AFF2: variants seen among roughly 807,000 people sequenced by gnomAD.
AFF2 encodes the protein AF4/FMR2 family member 2.
In AFF2, 14 loss-of-function variants were observed where a neutral mutation model predicts 76.9. The ratio of observed to expected loss-of-function variants is 0.18; its 90% CI spans 0.12 to 0.28. AFF2 has a LOEUF of 0.28. Among genes scored for constraint, AFF2 ranks in the 10% least tolerant of loss-of-function variants. The pLI is 1.00. For missense variants in AFF2, 868 were observed against 1,001.1 expected (o/e 0.87, Z 1.79); for synonymous variants, 398 against 366.7 (o/e 1.09, Z -0.98).
intron 3 of AFF2, among the ~76,000 whole-genome samples, chrX:148,742,753 C>T (rs913998744): frequency 9.9e-5 from 11 of 111,549 alleles, no homozygotes; most frequent in African/African-American, 3.6e-4. Context: ...ATAGGATGAC[C>T]GGTTGCTAAA....
intron 9 of AFF2, among the ~76,000 whole-genome samples, chrX:148,926,708 T>C (rs987188019): frequency 1.9e-4 from 21 of 112,253 alleles, no homozygotes; most frequent in African/African-American, 6.8e-4. Flanking sequence ...CCTGCCCACA[T>C]TAAAGCATTG....
chrX:148,602,391 G>A (rs782097830), intron 1 of AFF2, among the ~76,000 whole-genome samples: 19 of 110,433 alleles, frequency 1.7e-4, no homozygotes, highest in Non-Finnish European at 3.2e-4. Context: ...GGCAAGATTC[G>A]ATTTATGTTT....
rs898268503 is a variant in AFF2 at position 148,991,519 on chromosome X, C to T, written c.*187C>T. The T allele has an allele frequency of 3.4e-5, 14 of 415,172 alleles. No homozygotes were observed. Among genetic ancestry groups the T allele is most frequent in the East Asian group, 2.8e-4 (6 of 21,232 alleles). 34.2% of individuals were successfully genotyped at this position (415,172 alleles called of 1,213,427 possible). On this transcript the variant is annotated 3_prime_UTR_variant, in exon 21 of 21. Coordinates refer to ENST00000370460, the MANE Select transcript of AFF2 (RefSeq NM_002025.4). ...GACACTACAACTTAAGGGCAGTGTA[C>T]GTTTTATTACTTAGTCATTTTTTTT...
intron 5 of AFF2, among the ~76,000 whole-genome samples, chrX:148,840,297 A>G (rs2070583217): frequency 8.9e-6 from 1 of 112,147 alleles, no homozygotes; most frequent in Admixed American, 9.5e-5. Context: ...TAATATTCAC[A>G]TGAGTGTGGA....
At chrX:148,590,388 C>T (rs1465248047) in intron 1 of AFF2, among the ~76,000 whole-genome samples, 1 of 111,450 alleles carries the variant, frequency 9.0e-6, no homozygotes, top group Non-Finnish European at 1.9e-5. Flanking sequence ...CGGGCACCTA[C>T]CTAGACCTTG....
At chrX:148,885,170 A>C (rs2124144174) in intron 7 of AFF2, among the ~76,000 whole-genome samples, 1 of 111,943 alleles carries the variant, frequency 8.9e-6, no homozygotes, top group East Asian at 2.8e-4. Flanking sequence ...TAGAAACAAA[A>C]GGCTTTGTGG....
chrX:148,789,046 G>A (rs1469607825), intron 3 of AFF2, among the ~76,000 whole-genome samples: 1 of 112,133 alleles, frequency 8.9e-6, no homozygotes, highest in East Asian at 2.8e-4. Context: ...TCTATTAACT[G>A]TGATAGTGTA....
intron 4 of AFF2, 124 bp downstream of exon 4, chrX:148,810,044 C>T (rs2070184656): frequency 4.8e-6 from 3 of 626,069 alleles, no homozygotes; most frequent in Admixed American, 2.9e-5. Context: ...TATTCTACTT[C>T]AAGACCCTTC....
chrX:148,629,712 G>C (rs1460432499), intron 1 of AFF2, among the ~76,000 whole-genome samples: 1 of 111,596 alleles, frequency 9.0e-6, no homozygotes, highest in Non-Finnish European at 1.9e-5. Flanking sequence ...ATGCTTCCTC[G>C]GTGAGTCTGA....
intron 1 of AFF2, among the ~76,000 whole-genome samples, chrX:148,581,234 G>T (rs868946485): frequency 1.4e-5 from 1 of 69,636 alleles, no homozygotes; most frequent in African/African-American, 5.7e-5. Flanking sequence ...ATACGTATAC[G>T]TATACGTGTA....
chrX:148,773,618 A>AAAGG (rs1307052602), intron 3 of AFF2, among the ~76,000 whole-genome samples: 12 of 102,908 alleles, frequency 1.2e-4, no homozygotes, highest in Admixed American at 3.2e-4. Flanking sequence ...TGCTGTTCAA[A>AAAGG]AAGGAAGGAA....
At chrX:148,971,134 T>G (rs1408666444) in intron 15 of AFF2, among the ~76,000 whole-genome samples, 4 of 109,039 alleles carry the variant, frequency 3.7e-5, no homozygotes, top group African/African-American at 1.3e-4. Context: ...TTGTTTTTTT[T>G]TTTTTTTTTT....
intron 7 of AFF2, among the ~76,000 whole-genome samples, chrX:148,852,663 C>T (rs1334647415): frequency 9.0e-6 from 1 of 111,205 alleles, no homozygotes; most frequent in African/African-American, 3.3e-5. Context: ...TTGGAACCTA[C>T]TATATACCTG....
intron 9 of AFF2, among the ~76,000 whole-genome samples, chrX:148,952,009 C>G (rs927536354): frequency 8.9e-6 from 1 of 112,130 alleles, no homozygotes; most frequent in African/African-American, 3.2e-5. Context: ...ATTAAAGGGC[C>G]AGTCTTTAAG....
chrX:148,830,403 G>T (rs1026356387), intron 4 of AFF2, among the ~76,000 whole-genome samples: 22 of 112,238 alleles, frequency 2.0e-4, no homozygotes, highest in African/African-American at 7.1e-4. Flanking sequence ...TTTACAAATG[G>T]CTGTGTGGCT....
intron 15 of AFF2, among the ~76,000 whole-genome samples, chrX:148,973,257 A>T (rs941008008): frequency 1.8e-5 from 2 of 111,246 alleles, no homozygotes; most frequent in Admixed American, 1.9e-4. Context: ...CTATTGTGGG[A>T]GCTATTTTGG....
rs782782737 is a variant in AFF2, at chrX:148,962,759, T to G, written c.2735T>G (p.Leu912Arg). The G allele has an allele frequency of 5.8e-6, 7 of 1,210,290 alleles. No individual in the cohort carries two copies. In the Admixed American group the frequency reaches 1.5e-4, roughly 26 times the overall value. Residue 912 changes from leucine (L) to arginine (R), a missense_variant, in exon 13 of 21, where the codon CTA becomes CGA. Leu to Arg is a moderately radical substitution (Grantham distance 102). This residue lies in a region of AFF2 where 532 missense variants were observed against 564.2 expected (regional missense o/e 0.94). Transcript: ENST00000370460. ...RRANRRKEEK[L>R]FPPPLSPLPE... is the part of the protein sequence containing the mutation. ...GCAAATAGAAGAAAGGAAGAAAAAC[T>G]ATTTCCTCCTCCACTTTCCCCACTG...
intron 3 of AFF2, among the ~76,000 whole-genome samples, chrX:148,739,279 T>A (rs1225426662): frequency 1.8e-5 from 2 of 111,958 alleles, no homozygotes; most frequent in African/African-American, 6.5e-5. Flanking sequence ...TAGTAATCAT[T>A]TTATAAATTT....
In AFF2 at chrX:148,623,046, A is replaced by G. The variant is rs1205425356; in HGVS notation, c.48-28953A>G. Among the ~76,000 whole-genome samples the G allele has an allele frequency of 2.7e-5, 3 of 111,828 alleles. No homozygotes were observed. The South Asian group carries it at 1.1e-3, about 41-fold the overall frequency. ...GGTGCAGTGTGTTGCCATTGATTCTAGTAGGAATTGCCCAGAGATTAAGAA... is the reference window on the plus strand; with the variant it reads ...GGTGCAGTGTGTTGCCATTGATTCTGGTAGGAATTGCCCAGAGATTAAGAA... On this transcript the variant is annotated intron_variant, in intron 1 of 20. Transcript: ENST00000370460.
Sources: gnomAD v4.1 joint callset for allele counts (sites outside exome capture counted in the v4.1 genomes callset) on GRCh38, gnomAD v4.1.1 for gene constraint, gnomAD v4.1.1 regional missense constraint, MANE v1.5 for transcripts, NCBI Gene and HGNC (gene_info 2026-07-23, HGNC 2026-07-21) for gene names.